C10orf67: variants seen among roughly 807,000 people sequenced by gnomAD.
The protein encoded by C10orf67 is uncharacterized protein C10orf67, mitochondrial.
Under a neutral mutation model 35.6 loss-of-function variants are expected in C10orf67, and 60 were observed. That is an observed-to-expected ratio of 1.68 (90% CI 1.37 to 2.09). The LOEUF (loss-of-function observed/expected upper bound fraction) is 2.09. Among genes scored for constraint, C10orf67 ranks in the 30% most tolerant of loss-of-function variants. C10orf67 has a pLI of 0.00. For missense variants in C10orf67, 474 were observed against 330.2 expected (o/e 1.44, Z -3.38); for synonymous variants, 167 against 115.8 (o/e 1.44, Z -2.84).
chr10:23,280,721 A>G (rs1053248594), intron 8 of C10orf67, among the ~76,000 whole-genome samples: 2 of 152,210 alleles, frequency 1.3e-5, no homozygotes, highest in African/African-American at 2.4e-5. Flanking sequence ...CCCTGTGAGC[A>G]ATACAATAGC....
chr10:23,332,261 T>A (rs1845515117), intron 2 of C10orf67, among the ~76,000 whole-genome samples: 1 of 152,222 alleles, frequency 6.6e-6, no homozygotes, highest in South Asian at 2.1e-4. Context: ...CTTCCAAGTG[T>A]AAAAACAAAA....
At chr10:23,302,836 T>C (rs938982035) in intron 5 of C10orf67, among the ~76,000 whole-genome samples, 5 of 152,186 alleles carry the variant, frequency 3.3e-5, no homozygotes, top group African/African-American at 1.2e-4. Context: ...CAGGAAAAAC[T>C]GAGGGGAAAA....
intron 2 of C10orf67, among the ~76,000 whole-genome samples, chr10:23,323,940 TATATATATATATAC>T (rs2078304622): frequency 5.1e-5 from 3 of 59,068 alleles, no homozygotes; most frequent in South Asian, 5.2e-4. Flanking sequence ...TATATATATA[TATATATATATATAC>T]ACACACACAC....
chr10:23,208,058 T>G (rs1469372082), intron 15 of C10orf67, among the ~76,000 whole-genome samples: 1 of 152,178 alleles, frequency 6.6e-6, no homozygotes. Context: ...ACTCTTAATA[T>G]GGAAGCGTTA....
intron 8 of C10orf67, among the ~76,000 whole-genome samples, chr10:23,273,129 TA>T (rs1460101707): frequency 2.6e-5 from 4 of 152,224 alleles, no homozygotes; most frequent in Non-Finnish European, 5.9e-5. Flanking sequence ...TCTGGGAATT[TA>T]AAAAGTTCTA....
intron 10 of C10orf67, among the ~76,000 whole-genome samples, chr10:23,264,289 G>T (rs1842830060): frequency 6.6e-6 from 1 of 152,218 alleles, no homozygotes; most frequent in South Asian, 2.1e-4. Flanking sequence ...AAGTGTAAGT[G>T]ACGGTAATAA....
chr10:23,247,276 G>C (rs1447801286), intron 12 of C10orf67, among the ~76,000 whole-genome samples: 1 of 152,122 alleles, frequency 6.6e-6, no homozygotes, highest in Admixed American at 6.5e-5. Flanking sequence ...TTCATGGTAA[G>C]TGCCTTATAC....
At chr10:23,229,326 C>G (rs1674311066) in intron 13 of C10orf67, among the ~76,000 whole-genome samples, 3 of 150,780 alleles carry the variant, frequency 2.0e-5, no homozygotes, top group Admixed American at 6.6e-5. Flanking sequence ...AGCAAACTAT[C>G]ACAAGGACAA....
At chr10:23,321,042 G>A (rs1011476092) in intron 3 of C10orf67, among the ~76,000 whole-genome samples, 6 of 152,160 alleles carry the variant, frequency 3.9e-5, no homozygotes, top group African/African-American at 1.4e-4. Context: ...AATATATACA[G>A]ATAATTTGAA....
chr10:23,278,109 C>A (rs1451994849), intron 8 of C10orf67, among the ~76,000 whole-genome samples: 1 of 152,228 alleles, frequency 6.6e-6, no homozygotes, highest in Non-Finnish European at 1.5e-5. Flanking sequence ...GATACAATCA[C>A]CTCCCATGAG....
chr10:23,221,335 C>G (rs1841574912), intron 15 of C10orf67, among the ~76,000 whole-genome samples: 1 of 152,116 alleles, frequency 6.6e-6, no homozygotes, highest in South Asian at 2.1e-4. Context: ...CCCTATAATC[C>G]AATCACCTCC....
intron 4 of C10orf67, among the ~76,000 whole-genome samples, chr10:23,316,566 G>A (rs1360110839): frequency 6.6e-6 from 1 of 152,250 alleles, no homozygotes; most frequent in African/African-American, 2.4e-5. Context: ...GGAAGAATGA[G>A]ATATGCAGAC....
intron 12 of C10orf67, among the ~76,000 whole-genome samples, chr10:23,248,294 T>C (rs775903581): frequency 5.3e-5 from 8 of 152,182 alleles, no homozygotes; most frequent in Non-Finnish European, 1.2e-4. Context: ...GGTAGGGATA[T>C]GTTCCAAAGC....
chr10:23,307,608 GTTT>G (rs56738859), intron 4 of C10orf67, among the ~76,000 whole-genome samples: 3 of 135,760 alleles, frequency 2.2e-5, no homozygotes, highest in Admixed American at 7.4e-5. Flanking sequence ...TTTTTATTTA[GTTT>G]TTTTTTTTTT....
At chr10:23,300,010 T>C (rs7100583) in intron 5 of C10orf67, among the ~76,000 whole-genome samples, 87,290 of 150,904 alleles carry the variant, frequency 0.58, 26,425 homozygotes, top group East Asian at 0.88. Flanking sequence ...GAGAAGTCTG[T>C]GCCAGTGTCC....
At chr10:23,245,232 A>G (rs749493899) in intron 12 of C10orf67, among the ~76,000 whole-genome samples, 2 of 152,220 alleles carry the variant, frequency 1.3e-5, no homozygotes, top group Non-Finnish European at 2.9e-5. Context: ...AGGCATAAAC[A>G]TAAGTCCTGA....
At chr10:23,212,807 GA>G (rs1841343355) in intron 15 of C10orf67, among the ~76,000 whole-genome samples, 1 of 151,618 alleles carries the variant, frequency 6.6e-6, no homozygotes, top group African/African-American at 2.4e-5. Flanking sequence ...GAGAGAGAGA[GA>G]GAGAGAGAGA....
intron 12 of C10orf67, among the ~76,000 whole-genome samples, chr10:23,243,534 A>G (rs1765581350): frequency 6.6e-6 from 1 of 151,988 alleles, no homozygotes; most frequent in African/African-American, 2.4e-5. Flanking sequence ...AAATAGAAAA[A>G]AAATTAGCCA....
intron 15 of C10orf67, among the ~76,000 whole-genome samples, chr10:23,217,473 A>C (rs932591510): frequency 1.3e-5 from 2 of 152,140 alleles, no homozygotes; most frequent in Non-Finnish European, 2.9e-5. Flanking sequence ...GTTAATACCC[A>C]CTTGTCTCTG....
Sources: gnomAD v4.1 joint callset for allele counts (sites outside exome capture counted in the v4.1 genomes callset) on GRCh38, gnomAD v4.1.1 for gene constraint, MANE v1.5 for transcripts, NCBI Gene and HGNC (gene_info 2026-07-23, HGNC 2026-07-21) for gene names.